Variants in ZFAT observed in about 807,000 individuals in gnomAD.
ZFAT encodes zinc finger and AT-hook domain containing.
Under a neutral mutation model 117.7 loss-of-function variants are expected in ZFAT, and 64 were observed. That is an observed-to-expected ratio of 0.54 (90% CI 0.44 to 0.67). ZFAT has a LOEUF of 0.67. Among genes scored for constraint, ZFAT ranks in the 30% least tolerant of loss-of-function variants. The pLI is 0.00. For synonymous variants in ZFAT, 679 were observed against 615.0 expected (o/e 1.10, Z -1.54); for missense variants, 1,433 against 1,584.5 (o/e 0.90, Z 1.62).
chr8:134,677,045 G>A (rs1458480186), intron 1 of ZFAT, among the ~76,000 whole-genome samples: 1 of 152,024 alleles, frequency 6.6e-6, no homozygotes, highest in South Asian at 2.1e-4. Context: ...AACTAGAGAA[G>A]AGCAAACAAA....
At chr8:134,805,024 T>A in the ZFAT span, 4 of 461,710 alleles carry the variant, frequency 8.7e-6, no homozygotes, top group Non-Finnish European at 1.8e-5. Flanking sequence ...ATAATTTATA[T>A]AATTTCTAGT....
chr8:134,505,110 C>T (rs1328506763), intron 15 of ZFAT, among the ~76,000 whole-genome samples: 1 of 152,110 alleles, frequency 6.6e-6, no homozygotes, highest in Non-Finnish European at 1.5e-5. Context: ...TTCTTTTTTC[C>T]AGTGTACTTT....
At chr8:134,787,917 G>C in the ZFAT span, among the ~76,000 whole-genome samples, 1 of 152,008 alleles carries the variant, frequency 6.6e-6, no homozygotes, top group Non-Finnish European at 1.5e-5. Flanking sequence ...TACAATTTCT[G>C]TATAGTTTGT....
At chr8:134,504,648 A>G (rs565684747) in intron 15 of ZFAT, among the ~76,000 whole-genome samples, 1 of 152,340 alleles carries the variant, frequency 6.6e-6, no homozygotes, top group Non-Finnish European at 1.5e-5. Flanking sequence ...AGGGTAACAT[A>G]GGTCAGGAAG....
rs192878235 is a variant in ZFAT at position 134,664,208 on chromosome 8, A to G, written c.20-6471T>C. ...CTGGCCAGCCCATGATCCCCACTCT[A>G]CAGTACAGGACGGAGGGTCAGAGAG... On this transcript the variant is annotated intron_variant, in intron 1 of 15. Coordinates refer to ENST00000377838, the MANE Select transcript of ZFAT (RefSeq NM_020863.4). 3.2e-3 allele frequency among the ~76,000 whole-genome samples: 484 copies of G among 151,186 alleles called. 5 individuals are homozygous for G. The highest frequency in any genetic ancestry group is 0.011 in the African/African-American group (458 of 41,132).
intron 2 of ZFAT, among the ~76,000 whole-genome samples, chr8:134,638,200 A>G (rs1256238563): frequency 1.3e-5 from 2 of 152,230 alleles, no homozygotes; most frequent in Non-Finnish European, 2.9e-5. Context: ...TCCTGGCAAG[A>G]AAAAGAAAAA....
At chr8:134,583,208 C>A (rs1358326657) in intron 10 of ZFAT, among the ~76,000 whole-genome samples, 1 of 152,100 alleles carries the variant, frequency 6.6e-6, no homozygotes, top group East Asian at 1.9e-4. Context: ...TTCTGCCCTG[C>A]CTTCTAGATT....
the ZFAT span, among the ~76,000 whole-genome samples, chr8:134,816,488 A>C: frequency 6.6e-6 from 1 of 152,290 alleles, no homozygotes; most frequent in Middle Eastern, 3.4e-3. Context: ...AAAAGAAAAA[A>C]AAAAAAGTGA....
chr8:134,560,897 C>G (rs1322688048), intron 11 of ZFAT, among the ~76,000 whole-genome samples: 1 of 152,222 alleles, frequency 6.6e-6, no homozygotes, highest in Non-Finnish European at 1.5e-5. Context: ...TTTAGAGAAT[C>G]CTAGTTCAGC....
the ZFAT span, among the ~76,000 whole-genome samples, chr8:134,814,944 GT>G: frequency 6.6e-6 from 1 of 152,154 alleles, no homozygotes; most frequent in Non-Finnish European, 1.5e-5. Context: ...TAGAAGAATA[GT>G]AAAATCCAGG....
chr8:134,550,310 G>GAAAAAAAAAAAAAAAAAAAAAA (rs10680896), intron 11 of ZFAT, among the ~76,000 whole-genome samples: 2 of 72,532 alleles, frequency 2.8e-5, no homozygotes, highest in African/African-American at 5.1e-5. Flanking sequence ...GGTCACAACG[G>GAAAAAAAAAAAAAAAAAAAAAA]AAAAAAAAAA....
the ZFAT span, among the ~76,000 whole-genome samples, chr8:134,747,130 C>G: frequency 6.6e-6 from 1 of 151,904 alleles, no homozygotes; most frequent in African/African-American, 2.4e-5. Context: ...GCTCTGTTGC[C>G]CAGGTTGGAG....
the ZFAT span, among the ~76,000 whole-genome samples, chr8:134,726,316 C>A: frequency 6.6e-6 from 1 of 152,190 alleles, no homozygotes; most frequent in Non-Finnish European, 1.5e-5. Context: ...GGCTTTGCAT[C>A]TCTCCTCCCT....
intron 7 of ZFAT, among the ~76,000 whole-genome samples, chr8:134,590,777 AACCAGCACTGCC>A (rs1826439169): frequency 6.8e-6 from 1 of 146,912 alleles, no homozygotes; most frequent in South Asian, 2.2e-4. Context: ...CCACCACCAC[AACCAGCACTGCC>A]ACCATCACCA....
chr8:134,548,578 C>G (rs1162647740), intron 11 of ZFAT, among the ~76,000 whole-genome samples: 1 of 152,206 alleles, frequency 6.6e-6, no homozygotes, highest in Non-Finnish European at 1.5e-5. Context: ...ACTATTTTCT[C>G]TACTTCTGGG....
chr8:134,573,956 C>T (rs1297284600), intron 10 of ZFAT, among the ~76,000 whole-genome samples: 1 of 152,202 alleles, frequency 6.6e-6, no homozygotes, highest in Admixed American at 6.5e-5. Flanking sequence ...CAGCCTTACC[C>T]AGGTAAAACA....
chr8:134,740,554 G>GT, the ZFAT span, among the ~76,000 whole-genome samples: 34 of 151,398 alleles, frequency 2.2e-4, no homozygotes, highest in African/African-American at 2.9e-4. Context: ...TCTTACGCAT[G>GT]TTTTTTTTTC....
At chr8:134,817,414 C>CT in the ZFAT span, among the ~76,000 whole-genome samples, 13 of 107,572 alleles carry the variant, frequency 1.2e-4, no homozygotes, top group African/African-American at 3.6e-4. Flanking sequence ...CACACACACA[C>CT]ACACACACAC....
Position 134,478,058 on chromosome 8 carries a change from C to G in ZFAT, c.*424G>C, listed in dbSNP as rs933770383. 22 of 201,026 alleles carry G rather than the reference C, an allele frequency of 1.1e-4. No homozygotes were observed. The highest frequency in any genetic ancestry group is 5.0e-4 in the African/African-American group (22 of 43,934). 12.5% of individuals were successfully genotyped at this position (201,026 alleles called of 1,614,324 possible). A position where few individuals can be genotyped will look rare whatever the true frequency, so the allele number is the denominator to read the frequency against. On this transcript the variant is annotated 3_prime_UTR_variant, in exon 16 of 16. Coordinates refer to ENST00000377838, the MANE Select transcript of ZFAT (RefSeq NM_020863.4). The surrounding 1 kb of genome is among the most constrained non-coding windows in gnomAD (Gnocchi z 5.2). ...GTCACTTTCTATGTGATGGCTGTCT[C>G]CCTCTCACCAGACTGCATAGCGGTT...
Sources: allele counts gnomAD v4.1 joint callset (sites outside exome capture counted in the v4.1 genomes callset), GRCh38; gene constraint gnomAD v4.1.1; non-coding constraint Gnocchi (gnomAD v3.1); transcripts MANE v1.5; gene names NCBI Gene and HGNC (gene_info 2026-07-23, HGNC 2026-07-21).